The following ABCG8 variants were observed in gnomAD, a reference collection of about 807,000 sequenced individuals.
ABCG8 encodes ATP-binding cassette sub-family G member 8.
Under a neutral mutation model 71.3 loss-of-function variants are expected in ABCG8, and 81 were observed. The observed-to-expected ratio is 1.14, with a 90% CI of 0.95 to 1.37. The LOEUF (loss-of-function observed/expected upper bound fraction) is 1.37. Among genes scored for constraint, ABCG8 ranks in the 40% most tolerant of loss-of-function variants. The pLI is 0.00. For missense variants in ABCG8, 1,119 were observed against 866.2 expected (o/e 1.29, Z -3.66); for synonymous variants, 451 against 354.7 (o/e 1.27, Z -3.05).
intron 6 of ABCG8, among the ~76,000 whole-genome samples, chr2:43,870,186 A>T (rs1241897206): frequency 1.3e-5 from 2 of 151,640 alleles, no homozygotes; most frequent in Non-Finnish European, 2.9e-5. Context: ...TCTGGATAGA[A>T]CTCTCACAAT....
chr2:43,863,777 G>T, intron 6 of ABCG8, among the ~76,000 whole-genome samples: 1 of 150,554 alleles, frequency 6.6e-6, no homozygotes, highest in Non-Finnish European at 1.5e-5. Flanking sequence ...TATCTGGATG[G>T]AATTCTCACT....
At chr2:43,868,515 A>G (rs1050046081) in intron 6 of ABCG8, among the ~76,000 whole-genome samples, 1 of 151,992 alleles carries the variant, frequency 6.6e-6, no homozygotes. Flanking sequence ...TAGAATTCTC[A>G]CCATCTGCAT....
intron 2 of ABCG8, among the ~76,000 whole-genome samples, chr2:43,845,080 ATG>A (rs71393208): frequency 0.052 from 7,240 of 138,788 alleles, 216 homozygotes; most frequent in African/African-American, 0.089. Flanking sequence ...TTATATATAT[ATG>A]TGTGTGTGTG....
In ABCG8 at chr2:43,877,642, A is replaced by G; in HGVS notation, c.1838A>G (p.Tyr613Cys). The G allele has an allele frequency of 6.2e-7, 1 of 1,614,168 alleles. No homozygotes were observed. Among genetic ancestry groups the G allele is most frequent in the Non-Finnish European group, 8.5e-7 (1 of 1,180,016 alleles). ...LMKIQFSRRT[Y>C]KMPLGNLTIA... ...AAGATTCAGTTCAGCAGAAGAACTT[A>G]TAAAATGCCTCTCGGGAACCTCACC... Residue 613 changes from tyrosine to cysteine, a missense_variant, in exon 12 of 13, where the codon TAT (tyrosine) becomes TGT (cysteine). By Grantham distance (194) the Tyr-to-Cys change is radical (BLOSUM62 -2). Coordinates refer to ENST00000272286, the MANE Select transcript of ABCG8 (RefSeq NM_022437.3).
At chr2:43,853,880 C>G (rs1185214701) in intron 6 of ABCG8, among the ~76,000 whole-genome samples, 1 of 152,152 alleles carries the variant, frequency 6.6e-6, no homozygotes, top group South Asian at 2.1e-4. Context: ...ACCATCCTTC[C>G]CCCAGGAGGA....
intron 2 of ABCG8, among the ~76,000 whole-genome samples, chr2:43,845,910 C>T (rs1249327316): frequency 6.6e-6 from 1 of 152,200 alleles, no homozygotes; most frequent in Non-Finnish European, 1.5e-5. Flanking sequence ...GCATGAGCCA[C>T]CATGCCTGGC....
Position 43,846,311 on chromosome 2 carries a change from G to A in ABCG8, c.322G>A (p.Gly108Ser), listed in dbSNP as rs1668741731. 6.2e-7 allele frequency: 1 copy of A among 1,614,178 alleles called. No individual in the cohort carries two copies. Among genetic ancestry groups the A allele is most frequent in the Non-Finnish European group, 8.5e-7 (1 of 1,180,028 alleles). Residue 108 changes from glycine to serine, a missense_variant and splice_region_variant, in exon 3 of 13, where the codon GGT becomes AGT. Transcript: ENST00000272286. The stretch of plus-strand genomic sequence containing the variant: ...GATGCTGGCCATCATAGGGAGCTCA[G>A]GTACCGGAAAGGCAAATCGCTGGGC... Reference protein sequence around the residue: ...GQMLAIIGSSGCGRASLLDVI... With the variant: ...GQMLAIIGSSSCGRASLLDVI...
intron 6 of ABCG8, among the ~76,000 whole-genome samples, chr2:43,857,650 G>GA (rs1414402477): frequency 2.0e-5 from 3 of 150,352 alleles, no homozygotes; most frequent in African/African-American, 7.3e-5. Context: ...TCAATAAATG[G>GA]TAGAATTCTT....
chr2:43,873,895 C>G lies in ABCG8; in HGVS notation c.1320C>G (p.Ser440Arg). The change falls in exon 9 of 13, where the codon AGC becomes AGG. Residue 440 changes from serine (S) to arginine (R), a missense_variant. By Grantham distance (110) the Ser-to-Arg change is moderately radical. Coordinates refer to ENST00000272286, the MANE Select transcript of ABCG8 (RefSeq NM_022437.3). ...GCTTCCTCTATTTTGGCCATGGGAGCATCCAGCTCTCCTTCATGGATACAG... is the reference window on the plus strand; with the variant it reads ...GCTTCCTCTATTTTGGCCATGGGAGGATCCAGCTCTCCTTCATGGATACAG... ...TIGFLYFGHG[S>R]IQLSFMDTAA... The G allele has an allele frequency of 6.2e-7, 1 of 1,614,146 alleles. No homozygotes were observed.
At chr2:43,851,152 G>C (rs1314581258) in intron 3 of ABCG8, among the ~76,000 whole-genome samples, 1 of 152,162 alleles carries the variant, frequency 6.6e-6, no homozygotes, top group East Asian at 1.9e-4. Flanking sequence ...AACCGACATT[G>C]AATAATGAGA....
At chr2:43,849,250 T>G (rs1668838890) in intron 3 of ABCG8, among the ~76,000 whole-genome samples, 2 of 151,280 alleles carry the variant, frequency 1.3e-5, no homozygotes, top group African/African-American at 2.4e-5. Flanking sequence ...TACCTGAGAC[T>G]GGGTAACTTA....
At chr2:43,857,907 G>T (rs1669168930) in intron 6 of ABCG8, among the ~76,000 whole-genome samples, 2 of 151,582 alleles carry the variant, frequency 1.3e-5, no homozygotes, top group South Asian at 4.2e-4. Context: ...TATCAATCTG[G>T]ATATAATTCT....
At chr2:43,844,991 C>A (rs528765542) in intron 2 of ABCG8, among the ~76,000 whole-genome samples, 60 of 151,608 alleles carry the variant, frequency 4.0e-4, no homozygotes, top group Non-Finnish European at 6.0e-4. Flanking sequence ...ATCTTGCATA[C>A]CCATAGTATA....
At chr2:43,861,728 T>G (rs1228106173) in intron 6 of ABCG8, among the ~76,000 whole-genome samples, 1 of 150,494 alleles carries the variant, frequency 6.6e-6, no homozygotes, top group Non-Finnish European at 1.5e-5. Flanking sequence ...TAGTGGACAC[T>G]ATGTCTCACT....
chr2:43,880,324 C>T lies in ABCG8; in HGVS notation c.*2411C>T, dbSNP rs1670097032. On this transcript the variant is annotated 3_prime_UTR_variant, in exon 13 of 13. Coordinates refer to ENST00000272286, the MANE Select transcript of ABCG8 (RefSeq NM_022437.3). ...AAGTAGTTGGGATTAACAGTGCCCA[C>T]CACCACACCTGGCTAATTTTTGTAT... is the stretch of plus-strand genomic sequence containing the variant. 5 of 139,668 alleles carry T rather than the reference C, an allele frequency of 3.6e-5. No homozygotes were observed. The highest frequency in any genetic ancestry group is 3.2e-5 in the Non-Finnish European group (2 of 62,634). The allele number at this position is 139,668 out of a possible 1,614,324, so 8.7% of individuals were successfully genotyped here.
At chr2:43,851,395 G>A (rs781508516) in intron 3 of ABCG8, among the ~76,000 whole-genome samples, 189 bp from the exon 4 acceptor site, 2 of 152,246 alleles carry the variant, frequency 1.3e-5, no homozygotes, top group Non-Finnish European at 2.9e-5. Context: ...GCTGCAGACA[G>A]AAGGCTTGGA....
chr2:43,874,275 AT>A, intron 9 of ABCG8, 131 bp from the exon 10 acceptor site: 2 of 912,042 alleles, frequency 2.2e-6, no homozygotes, highest in Non-Finnish European at 3.5e-6. Context: ...TACTGTGCCT[AT>A]TTAAAAAAAA....
chr2:43,871,791 C>G (rs1012253053), intron 6 of ABCG8, among the ~76,000 whole-genome samples, 185 bp from the exon 7 acceptor site: 1 of 152,224 alleles, frequency 6.6e-6, no homozygotes, highest in Non-Finnish European at 1.5e-5. Flanking sequence ...GGGTGAAGGA[C>G]CAGCCCTTGG....
In ABCG8 at chr2:43,877,614, A is replaced by T; in HGVS notation, c.1810A>T (p.Met604Leu). 6.2e-7 allele frequency: 1 copy of T among 1,614,124 alleles called. No individual in the cohort carries two copies. The highest frequency in any genetic ancestry group is 8.5e-7 in the Non-Finnish European group (1 of 1,180,014). ...SFLRWCFEGL[M>L]KIQFSRRTYK... is the part of the protein sequence containing the mutation. ...CCTGCGGTGGTGTTTTGAAGGGCTGATGAAGATTCAGTTCAGCAGAAGAAC... is the reference window on the plus strand; with the variant it reads ...CCTGCGGTGGTGTTTTGAAGGGCTGTTGAAGATTCAGTTCAGCAGAAGAAC... Residue 604 changes from methionine to leucine, a missense_variant, in exon 12 of 13, where the codon ATG becomes TTG. Coordinates refer to ENST00000272286, the MANE Select transcript of ABCG8 (RefSeq NM_022437.3).
Sources: gnomAD v4.1 joint callset for allele counts (sites outside exome capture counted in the v4.1 genomes callset) on GRCh38, gnomAD v4.1.1 for gene constraint, MANE v1.5 for transcripts, NCBI Gene and HGNC (gene_info 2026-07-23, HGNC 2026-07-21) for gene names.